PKD1L3: variants seen among roughly 807,000 people sequenced by gnomAD.
PKD1L3 encodes the protein polycystin 1 like 3, transient receptor potential channel interacting.
Under a neutral mutation model 184.1 loss-of-function variants are expected in PKD1L3, and 239 were observed. The observed-to-expected ratio is 1.30, with a 90% CI of 1.17 to 1.45. The LOEUF (loss-of-function observed/expected upper bound fraction) is 1.45. Ranked by LOEUF, PKD1L3 falls within the 40% of genes most tolerant of loss-of-function variation. PKD1L3 has a pLI of 0.00. For missense variants in PKD1L3, 2,660 were observed against 2,067.2 expected, an observed-to-expected ratio of 1.29 and a Z score of -5.56; for synonymous variants, 996 against 778.8, an observed-to-expected ratio of 1.28 and a Z score of -4.64.
Position 71,952,946 on chromosome 16 carries a change from G to A in PKD1L3, c.2957C>T (p.Ser986Phe). The change falls in exon 18 of 30, where the codon TCC (serine) becomes TTC (phenylalanine). Residue 986 changes from serine (S) to phenylalanine (F), a missense_variant. Transcript: ENST00000620267. ...CTCAACAGAAGCATCTGAGAGGCAG[G>A]AGGCCTGGATGGGAGGAAAGAGGGG... ...TLPLFPPIQA[S>F]CLSDASVEPL... 6.4e-7 allele frequency: 1 copy of A among 1,551,196 alleles called. No individual in the cohort carries two copies. The highest frequency in any genetic ancestry group is 1.7e-4 in the Middle Eastern group (1 of 5,954).
In PKD1L3 at chr16:71,951,590, T is replaced by C; in HGVS notation, c.3164A>G (p.Gln1055Arg). The change falls in exon 19 of 30, where the codon CAG (glutamine) becomes CGG (arginine). Residue 1055 changes from glutamine to arginine, a missense_variant. Transcript: ENST00000620267. The part of the protein sequence containing the change: ...SSHLEGQGCH[Q>R]QGERHWARVV... ...ACGTGCCCAGTGGCGCTCTCCCTGC[T>C]GATGACAGCCTTGACCCTCCAAGTG... The C allele has an allele frequency of 6.4e-7, 1 of 1,551,358 alleles. No individual in the cohort carries two copies. Among genetic ancestry groups the C allele is most frequent in the Non-Finnish European group, 8.7e-7 (1 of 1,146,894 alleles).
chr16:71,961,776 T>C (rs1390817858), intron 16 of PKD1L3, among the ~76,000 whole-genome samples: 1 of 152,196 alleles, frequency 6.6e-6, no homozygotes, highest in Non-Finnish European at 1.5e-5. Context: ...AAAAGTAACA[T>C]GGTTGTTTTA....
chr16:71,986,620 T>A (rs1361111926), intron 4 of PKD1L3, among the ~76,000 whole-genome samples, 151 bp from the exon 5 acceptor site: 1 of 152,206 alleles, frequency 6.6e-6, no homozygotes, highest in African/African-American at 2.4e-5. Flanking sequence ...AAACAGAATT[T>A]TGAAATTTCA....
intron 19 of PKD1L3, among the ~76,000 whole-genome samples, chr16:71,951,038 C>A (rs1215803002): frequency 6.6e-6 from 1 of 151,336 alleles, no homozygotes; most frequent in African/African-American, 2.4e-5. Context: ...CCACCCTGCC[C>A]GACCTGTGTT....
chr16:71,981,464 G>A lies in PKD1L3; in HGVS notation c.1143+595C>T, dbSNP rs118047771. On this transcript the variant is annotated intron_variant, in intron 7 of 29. Transcript: ENST00000620267. The stretch of plus-strand genomic sequence containing the variant: ...CATTTCCCTAATGACCAATGATGTC[G>A]AGCATCTTTTCATGTGAATAGCAAA... Among the ~76,000 whole-genome samples, 437 of 150,856 alleles carry A rather than the reference G, an allele frequency of 2.9e-3. 6 individuals carry two copies. The highest frequency in any genetic ancestry group is 5.0e-3 in the Non-Finnish European group (340 of 67,902).
At chr16:71,967,574 C>T (rs1430007064) in intron 14 of PKD1L3, among the ~76,000 whole-genome samples, 1 of 152,118 alleles carries the variant, frequency 6.6e-6, no homozygotes, top group African/African-American at 2.4e-5. Context: ...AAGCAATTTT[C>T]GTGCCTCAAC....
chr16:71,993,119 G>A, intron 3 of PKD1L3, 97 bp downstream of exon 3: 1 of 872,958 alleles, frequency 1.1e-6, no homozygotes, highest in Non-Finnish European at 1.7e-6. Flanking sequence ...TTGGGCACAT[G>A]TTATAACACA....
At chr16:71,931,713 C>T (rs931951957) in intron 28 of PKD1L3, among the ~76,000 whole-genome samples, 3 of 152,046 alleles carry the variant, frequency 2.0e-5, no homozygotes, top group Admixed American at 2.0e-4. Flanking sequence ...ATCAGCCCCA[C>T]CTTGGCCTTC....
rs1049179202 is a variant in PKD1L3 at position 71,940,376 on chromosome 16, G to A, written c.4324+2184C>T. ...CCCTTCCCTCAACTTGCTCTGATAA[G>A]TATAATAGGCTCATATACTCAAGAT... On this transcript the variant is annotated intron_variant, in intron 24 of 29. Transcript: ENST00000620267. Among the ~76,000 whole-genome samples the A allele has an allele frequency of 5.9e-5, 9 of 152,248 alleles. No homozygotes were observed. The South Asian group carries it at 6.2e-4, about 11-fold the overall frequency.
Position 71,980,083 on chromosome 16 carries a change from C to G in PKD1L3, c.1195G>C (p.Ala399Pro). 1.3e-6 allele frequency: 2 copies of G among 1,551,798 alleles called. No individual in the cohort carries two copies. Among genetic ancestry groups the G allele is most frequent in the Non-Finnish European group, 1.7e-6 (2 of 1,146,994 alleles). The change falls in exon 8 of 30, where the codon GCA becomes CCA. Residue 399 changes from alanine (A) to proline (P), a missense_variant. Transcript: ENST00000620267. ...SLVEFGNIGE[A>P]FLEQNQSPES... Reference sequence around the variant, plus strand: ...GGAGACTGGTTCTGCTCTAGAAATGCTTCCCCGATATTCCCAAACTCCACC... The same window carrying G: ...GGAGACTGGTTCTGCTCTAGAAATGGTTCCCCGATATTCCCAAACTCCACC...
intron 15 of PKD1L3, among the ~76,000 whole-genome samples, 187 bp downstream of exon 15, chr16:71,966,950 T>A (rs1449295432): frequency 1.3e-5 from 2 of 152,210 alleles, no homozygotes; most frequent in African/African-American, 4.8e-5. Context: ...CCAAAAAAAA[T>A]CACATTGTTA....
rs1187692492 is a variant in PKD1L3 at position 71,982,134 on chromosome 16, G to T, written c.1068C>A (p.Cys356Ter). The change falls in exon 7 of 30, where the codon TGC becomes TGA. Residue 356 changes from cysteine to a stop codon, truncating the protein, a stop_gained. Transcript: ENST00000620267. LOFTEE classifies it high-confidence loss of function. ...SLGFKVPPTV[C>*]PFHSLNNVTK... ...TGACATTGTTGAGGGAATGAAAGGGGCAGACAGTTGGAGGAACTTTGAAGC... is the reference window on the plus strand; with the variant it reads ...TGACATTGTTGAGGGAATGAAAGGGTCAGACAGTTGGAGGAACTTTGAAGC... The T allele has an allele frequency of 1.3e-6, 2 of 1,551,876 alleles. No individual in the cohort carries two copies. Among genetic ancestry groups the T allele is most frequent in the East Asian group, 2.4e-5 (1 of 40,936 alleles).
intron 7 of PKD1L3, among the ~76,000 whole-genome samples, chr16:71,980,649 C>T (rs984765381): frequency 1.3e-5 from 2 of 152,082 alleles, no homozygotes; most frequent in Non-Finnish European, 2.9e-5. Context: ...ACCTGGCCGA[C>T]ATTGTGAAAC....
chr16:71,996,513 G>C (rs1198467613), intron 2 of PKD1L3, among the ~76,000 whole-genome samples: 1 of 152,008 alleles, frequency 6.6e-6, no homozygotes, highest in African/African-American at 2.4e-5. Context: ...ACCCGCCTTG[G>C]CCTCCCAAAG....
At chr16:71,961,822 G>T (rs919649214) in intron 16 of PKD1L3, among the ~76,000 whole-genome samples, 11 of 152,124 alleles carry the variant, frequency 7.2e-5, no homozygotes, top group African/African-American at 2.7e-4. Context: ...CTTATATGCC[G>T]CAATTGTAAT....
chr16:71,935,216 T>C, intron 26 of PKD1L3, 142 bp downstream of exon 26: 3 of 863,130 alleles, frequency 3.5e-6, no homozygotes, highest in Non-Finnish European at 5.2e-6. Context: ...TTCTCTGCTG[T>C]GGACATGAGT....
At chr16:71,971,068 G>A (rs992109000) in intron 12 of PKD1L3, among the ~76,000 whole-genome samples, 2 of 152,144 alleles carry the variant, frequency 1.3e-5, no homozygotes, top group Non-Finnish European at 2.9e-5. Context: ...ATGGCACGTA[G>A]AAGACACTCA....
rs374292198 is a variant in PKD1L3, at chr16:72,000,120, T to TAAAAAAAA, written c.-143_-142insTTTTTTTT. The TAAAAAAAA allele has an allele frequency of 1.4e-6, 1 of 701,688 alleles. No homozygotes were observed. Among genetic ancestry groups the TAAAAAAAA allele is most frequent in the African/African-American group, 2.0e-5 (1 of 51,078 alleles). 43.5% of individuals were successfully genotyped at this position (701,688 alleles called of 1,614,324 possible). A position where few individuals can be genotyped will look rare whatever the true frequency, so the allele number is the denominator to read the frequency against. ...TTACCAAGGATACAAAAGGTTTTGT[T>TAAAAAAAA]TTGAGGACCCAGGTGCAGGTCCTAC... On this transcript the variant is annotated 5_prime_UTR_variant, in exon 1 of 30. An upstream open reading frame in the 5' UTR loses its in-frame stop. Transcript: ENST00000620267.
At chr16:71,953,257 A>G (rs1334367933) in intron 17 of PKD1L3, among the ~76,000 whole-genome samples, 164 bp from the exon 18 acceptor site, 1 of 152,202 alleles carries the variant, frequency 6.6e-6, no homozygotes, top group Non-Finnish European at 1.5e-5. Context: ...ATACTGCTTC[A>G]TTTGTTAATG....
Sources: allele counts gnomAD v4.1 joint callset (sites outside exome capture counted in the v4.1 genomes callset), GRCh38; gene constraint gnomAD v4.1.1; transcripts MANE v1.5; gene names NCBI Gene and HGNC (gene_info 2026-07-23, HGNC 2026-07-21).